MGMT: variants seen among roughly 807,000 people sequenced by gnomAD.
MGMT encodes methylated-DNA--protein-cysteine methyltransferase.
Under a neutral mutation model 15.9 loss-of-function variants are expected in MGMT, and 14 were observed. The ratio of observed to expected loss-of-function variants is 0.88; its 90% CI spans 0.58 to 1.37. The LOEUF (loss-of-function observed/expected upper bound fraction) is 1.37, where lower values mean the gene tolerates loss of function less well. MGMT is among the 40% of genes most tolerant of loss of function. The pLI is 0.00. For synonymous variants in MGMT, 130 were observed against 118.2 expected (o/e 1.10, Z -0.65); for missense variants, 282 against 268.1 (o/e 1.05, Z -0.36).
At chr10:129,641,450 G>A (rs996911020) in intron 2 of MGMT, among the ~76,000 whole-genome samples, 1 of 152,150 alleles carries the variant, frequency 6.6e-6, no homozygotes, top group Non-Finnish European at 1.5e-5. Flanking sequence ...AATCTATGTG[G>A]AAATTTACAG....
At chr10:129,762,991 G>A (rs978316265) in intron 4 of MGMT, among the ~76,000 whole-genome samples, 7 of 152,106 alleles carry the variant, frequency 4.6e-5, no homozygotes, top group Middle Eastern at 3.2e-3. Context: ...GAAGAACAAA[G>A]GCGAAGTTGG....
chr10:129,638,853 T>G (rs938236312), intron 2 of MGMT, among the ~76,000 whole-genome samples: 3 of 152,274 alleles, frequency 2.0e-5, no homozygotes, highest in Non-Finnish European at 2.9e-5. Flanking sequence ...ATAAGGACTT[T>G]CAAACTTTGA....
At chr10:129,593,428 C>G (rs1176177342) in intron 2 of MGMT, among the ~76,000 whole-genome samples, 1 of 152,208 alleles carries the variant, frequency 6.6e-6, no homozygotes, top group Non-Finnish European at 1.5e-5. Context: ...TGGCCGGCAT[C>G]TGGTCAGGAC....
intron 2 of MGMT, among the ~76,000 whole-genome samples, chr10:129,647,424 CTG>C (rs1423804417): frequency 6.6e-6 from 1 of 152,188 alleles, no homozygotes; most frequent in African/African-American, 2.4e-5. Context: ...ATGCACTTGG[CTG>C]TGTGTGTCAC....
At chr10:129,607,727 C>T (rs1360638590) in intron 2 of MGMT, among the ~76,000 whole-genome samples, 2 of 152,180 alleles carry the variant, frequency 1.3e-5, no homozygotes, top group Non-Finnish European at 2.9e-5. Flanking sequence ...AGCTGCTCAC[C>T]ATGGTCCAGT....
chr10:129,565,846 G>T (rs1340683455), intron 2 of MGMT, among the ~76,000 whole-genome samples: 11 of 152,138 alleles, frequency 7.2e-5, no homozygotes, highest in African/African-American at 2.4e-4. Context: ...TCATTGAAAT[G>T]CCACCACCCA....
intron 2 of MGMT, among the ~76,000 whole-genome samples, chr10:129,680,906 G>A (rs11016872): frequency 0.13 from 20,062 of 152,202 alleles, 2,308 homozygotes; most frequent in African/African-American, 0.31. Context: ...CTGCCTGTGC[G>A]TGCTTCCTGA....
At chr10:129,602,490 A>T (rs1331232299) in intron 2 of MGMT, among the ~76,000 whole-genome samples, 1 of 152,196 alleles carries the variant, frequency 6.6e-6, no homozygotes, top group Non-Finnish European at 1.5e-5. Flanking sequence ...TTGTTTGGGA[A>T]GTTGCTTGTA....
intron 3 of MGMT, among the ~76,000 whole-genome samples, chr10:129,724,937 A>T (rs189820437): frequency 6.6e-6 from 1 of 152,188 alleles, no homozygotes; most frequent in Non-Finnish European, 1.5e-5. Context: ...CCTCAGCGAG[A>T]TACTGAGTGC....
chr10:129,732,385 G>A (rs10764903), intron 3 of MGMT, among the ~76,000 whole-genome samples: 79,307 of 143,652 alleles, frequency 0.55, 21,670 homozygotes, highest in Middle Eastern at 0.73. Flanking sequence ...GTTCCCACCT[G>A]TGAGTGAGAA....
chr10:129,682,277 G>A (rs1206175141), intron 2 of MGMT, among the ~76,000 whole-genome samples: 1 of 152,028 alleles, frequency 6.6e-6, no homozygotes, highest in African/African-American at 2.4e-5. Flanking sequence ...AAAGCAAACT[G>A]TGGTCTATCC....
chr10:129,742,388 C>T (rs1032620431), intron 3 of MGMT, among the ~76,000 whole-genome samples: 9 of 152,230 alleles, frequency 5.9e-5, no homozygotes, highest in South Asian at 2.1e-4. Context: ...CACCTCGGTG[C>T]GCGACCCGGG....
chr10:129,679,481 G>A (rs947263915), intron 2 of MGMT, among the ~76,000 whole-genome samples: 36 of 152,168 alleles, frequency 2.4e-4, no homozygotes, highest in Non-Finnish European at 8.8e-5. Context: ...GACCCGCAAA[G>A]CACAGCTTGA....
chr10:129,761,860 G>C (rs1365933436), intron 4 of MGMT, among the ~76,000 whole-genome samples: 2 of 152,232 alleles, frequency 1.3e-5, no homozygotes, highest in African/African-American at 4.8e-5. Flanking sequence ...TTCAGCCTGA[G>C]GAGGGGGCTG....
At chr10:129,504,148 G>C (rs1845602167) in intron 1 of MGMT, among the ~76,000 whole-genome samples, 1 of 152,174 alleles carries the variant, frequency 6.6e-6, no homozygotes, top group African/African-American at 2.4e-5. Flanking sequence ...CATGCCTTCA[G>C]AACAGGAATG....
At chr10:129,643,448 C>T (rs1055678710) in intron 2 of MGMT, among the ~76,000 whole-genome samples, 1 of 152,150 alleles carries the variant, frequency 6.6e-6, no homozygotes, top group Non-Finnish European at 1.5e-5. Flanking sequence ...GGTTCAAAGG[C>T]AGAGAGCCTG....
At chr10:129,759,016 C>G (rs973866009) in intron 3 of MGMT, among the ~76,000 whole-genome samples, 186 bp from the exon 4 acceptor site, 1 of 152,232 alleles carries the variant, frequency 6.6e-6, no homozygotes, top group Non-Finnish European at 1.5e-5. Context: ...GCATGGTGGC[C>G]TGCCACATGC....
chr10:129,632,967 T>C (rs1469435146), intron 2 of MGMT, among the ~76,000 whole-genome samples: 1 of 152,234 alleles, frequency 6.6e-6, no homozygotes, highest in Non-Finnish European at 1.5e-5. Context: ...GACAAAAATT[T>C]TATGTAAATT....
intron 2 of MGMT, among the ~76,000 whole-genome samples, chr10:129,668,357 G>T (rs1847683243): frequency 6.6e-6 from 1 of 151,830 alleles, no homozygotes; most frequent in Admixed American, 6.6e-5. Context: ...GGGCCAGGCT[G>T]TACTTTGCCT....
Sources: allele counts gnomAD v4.1 joint callset (sites outside exome capture counted in the v4.1 genomes callset), GRCh38; gene constraint gnomAD v4.1.1; transcripts MANE v1.5; gene names NCBI Gene and HGNC (gene_info 2026-07-23, HGNC 2026-07-21).